Variants in ATP2A3 observed in about 807,000 individuals in gnomAD.
The protein encoded by ATP2A3 is ATPase sarcoplasmic/endoplasmic reticulum Ca2+ transporting 3, also known as sarcoplasmic/endoplasmic reticulum calcium ATPase 3.
Under a neutral mutation model 106.8 loss-of-function variants are expected in ATP2A3, and 61 were observed. The observed-to-expected ratio is 0.57, with a 90% CI of 0.46 to 0.71. The LOEUF is 0.71. Ranked by LOEUF, ATP2A3 falls within the 30% of genes least tolerant of loss-of-function variation. The probability of loss-of-function intolerance (pLI) is 0.00; values close to 1 mark genes in which losing one functional copy is unlikely to be tolerated. For synonymous variants in ATP2A3, 611 were observed against 609.3 expected, an observed-to-expected ratio of 1.00 and a Z score of -0.04; for missense variants, 1,201 against 1,423.5, an observed-to-expected ratio of 0.84 and a Z score of 2.52.
intron 1 of ATP2A3, among the ~76,000 whole-genome samples, chr17:3,962,704 T>C (rs1183102398): frequency 8.5e-6 from 1 of 117,536 alleles, no homozygotes; most frequent in African/African-American, 3.4e-5. Context: ...AATGAAGACA[T>C]GATATCAGAA....
Position 3,937,476 on chromosome 17 carries a change from T to A in ATP2A3, c.2261A>T (p.Tyr754Phe). 6.2e-7 allele frequency: 1 copy of A among 1,612,880 alleles called. No homozygotes were observed. The highest frequency in any genetic ancestry group is 8.5e-7 in the Non-Finnish European group (1 of 1,179,152). ...VAAVEEGRAI[Y>F]SNMKQFIRYL... Reference sequence around the variant, plus strand: ...GCGGATGAATTGCTTCATGTTGCTGTAGATGGCCCGGCCCTCCTCCACCGC... The same window carrying A: ...GCGGATGAATTGCTTCATGTTGCTGAAGATGGCCCGGCCCTCCTCCACCGC... The change falls in exon 15 of 21, where the codon TAC (tyrosine) becomes TTC (phenylalanine). Residue 754 changes from tyrosine (Y) to phenylalanine (F), a missense_variant. Physicochemically the swap from Tyr to Phe is conservative, Grantham distance 22. Around this residue, in one of 2 missense-constraint regions of ATP2A3, gnomAD observed 935 missense variants for 1,176.7 expected, o/e 0.79. Coordinates refer to ENST00000397041, the MANE Select transcript of ATP2A3 (RefSeq NM_005173.4).
rs562992516 is a variant in ATP2A3, at chr17:3,924,536, G to A, written c.*886C>T. On this transcript the variant is annotated 3_prime_UTR_variant, in exon 21 of 21. Coordinates refer to ENST00000397041, the MANE Select transcript of ATP2A3 (RefSeq NM_005173.4). The surrounding 1 kb of genome is among the most constrained non-coding windows in gnomAD (Gnocchi z 6.4). ...CGCACACTGGGCTGGGTAGAAGGGC[G>A]CCACGGTCAGGAACCTGAGGATGTC... The A allele has an allele frequency of 1.5e-5, 5 of 343,826 alleles. No individual in the cohort carries two copies. Among genetic ancestry groups the A allele is most frequent in the East Asian group, 8.3e-5 (1 of 12,030 alleles). The allele number at this position is 343,826 out of a possible 1,614,324, so 21.3% of individuals were successfully genotyped here.
At chr17:3,960,981 G>A (rs763712482) in intron 1 of ATP2A3, among the ~76,000 whole-genome samples, 1 of 152,208 alleles carries the variant, frequency 6.6e-6, no homozygotes, top group African/African-American at 2.4e-5. Flanking sequence ...GAGAAAAGCC[G>A]CACGCCGAAA....
Position 3,930,822 on chromosome 17 carries a change from A to T in ATP2A3, c.2611-388T>A. The T allele has an allele frequency of 2.8e-6, 1 of 356,138 alleles. No homozygotes were observed. Among genetic ancestry groups the T allele is most frequent in the Non-Finnish European group, 5.5e-6 (1 of 181,774 alleles). The allele number at this position is 356,138 out of a possible 1,614,324, so 22.1% of individuals were successfully genotyped here. On this transcript the variant is annotated intron_variant, in intron 17 of 20. Transcript: ENST00000397041. This position sits in a 1 kb window ranked among gnomAD's most constrained non-coding sequence, Gnocchi z 5.4. The stretch of plus-strand genomic sequence containing the variant: ...ATTCACCTTTGCGGTATAGAAGATG[A>T]AGGCTACGCAGGCCCTGTTCACTGT...
chr17:3,943,034 T>A (rs895236865), intron 11 of ATP2A3, among the ~76,000 whole-genome samples: 30 of 152,140 alleles, frequency 2.0e-4, no homozygotes, highest in Non-Finnish European at 4.1e-4. Flanking sequence ...ACGCCTGTAA[T>A]CCCAGCACTC....
chr17:3,928,620 G>A lies in ATP2A3; in HGVS notation c.2980+43C>T. 1 of 1,493,200 alleles carries A rather than the reference G, an allele frequency of 6.7e-7. No homozygotes were observed. The highest frequency in any genetic ancestry group is 9.1e-7 in the Non-Finnish European group (1 of 1,095,380). 92.5% of individuals were successfully genotyped at this position (1,493,200 alleles called of 1,614,324 possible). A position where few individuals can be genotyped will look rare whatever the true frequency, so the allele number is the denominator to read the frequency against. On this transcript the variant is annotated intron_variant, in intron 20 of 20. Coordinates refer to ENST00000397041, the MANE Select transcript of ATP2A3 (RefSeq NM_005173.4). This position sits in a 1 kb window ranked among gnomAD's most constrained non-coding sequence, Gnocchi z 6.1. ...CCACTGCAGCCCAGGAGCAGAGGCG[G>A]GCGGGGAGGCAGGCTGGAGGCGGGA...
rs1209709252 is a variant in ATP2A3 at position 3,929,576 on chromosome 17, T to C, written c.2745-131A>G. 2.6e-6 allele frequency: 2 copies of C among 760,192 alleles called. No homozygotes were observed. Among genetic ancestry groups the C allele is most frequent in the African/African-American group, 1.7e-5 (1 of 57,388 alleles). 47.1% of individuals were successfully genotyped at this position (760,192 alleles called of 1,614,324 possible). ...GTTGCCCGCTCGGCCTGCCAGGGCC[T>C]GTCCCGGGCTGGGACCCCTTTCTCT... On this transcript the variant is annotated intron_variant, in intron 18 of 20. Transcript: ENST00000397041. The surrounding 1 kb of genome is among the most constrained non-coding windows in gnomAD (Gnocchi z 4.3).
Position 3,947,817 on chromosome 17 carries a change from G to A in ATP2A3, c.669C>T (p.Ala223=), listed in dbSNP as rs149762992. Residue 223 remains alanine, a synonymous_variant, in exon 8 of 21, where the codon GCC becomes GCT. Coordinates refer to ENST00000397041, the MANE Select transcript of ATP2A3 (RefSeq NM_005173.4). The surrounding 1 kb of genome is among the most constrained non-coding windows in gnomAD (Gnocchi z 7.7). ...NITSGKAVGV[A]VATGLHTELG... ...GCTCCGTGTGCAGGCCGGTGGCCAC[G>A]GCCACACCCACCGCTTTGCCCGATG... The A allele has an allele frequency of 2.6e-4, 413 of 1,599,474 alleles. 5 individuals are homozygous for A. The highest frequency in any genetic ancestry group is 2.3e-3 in the East Asian group (102 of 44,884).
intron 1 of ATP2A3, among the ~76,000 whole-genome samples, chr17:3,954,284 A>G (rs1432987578): frequency 6.6e-6 from 1 of 151,728 alleles, no homozygotes; most frequent in Non-Finnish European, 1.5e-5. Flanking sequence ...GCTGGGCCCC[A>G]CCGCACAGCA....
In ATP2A3 at chr17:3,924,446, G is replaced by A. The variant is rs2052600952; in HGVS notation, c.*976C>T. ...GTGTCGTGGGGAGGGGGCAAGGAGT[G>A]AGGCCAAGAGTCCAGGAAGCCCACC... On this transcript the variant is annotated 3_prime_UTR_variant, in exon 21 of 21. Coordinates refer to ENST00000397041, the MANE Select transcript of ATP2A3 (RefSeq NM_005173.4). This position sits in a 1 kb window ranked among gnomAD's most constrained non-coding sequence, Gnocchi z 6.4. The A allele has an allele frequency of 1.7e-5, 4 of 241,072 alleles. No homozygotes were observed. The highest frequency in any genetic ancestry group is 2.5e-5 in the Non-Finnish European group (3 of 118,388). The allele number at this position is 241,072 out of a possible 1,614,324, so 14.9% of individuals were successfully genotyped here.
Position 3,924,757 on chromosome 17 carries a change from C to G in ATP2A3, c.*665G>C, listed in dbSNP as rs1475413592. On this transcript the variant is annotated 3_prime_UTR_variant, in exon 21 of 21. Coordinates refer to ENST00000397041, the MANE Select transcript of ATP2A3 (RefSeq NM_005173.4). The surrounding 1 kb of genome is among the most constrained non-coding windows in gnomAD (Gnocchi z 6.4). ...AGGACATCCTCGCTCCGCCCTCCTG[C>G]CGGCTCCTTGTGTCCGTCTCTCTGA... is the stretch of plus-strand genomic sequence containing the variant. 1 of 456,542 alleles carries G rather than the reference C, an allele frequency of 2.2e-6. No individual in the cohort carries two copies. Among genetic ancestry groups the G allele is most frequent in the African/African-American group, 2.0e-5 (1 of 50,072 alleles). 28.3% of individuals were successfully genotyped at this position (456,542 alleles called of 1,614,324 possible).
rs1172679666 is a variant in ATP2A3, at chr17:3,947,904, G to A, written c.631-49C>T. 2 of 1,575,550 alleles carry A rather than the reference G, an allele frequency of 1.3e-6. No homozygotes were observed. The highest frequency in any genetic ancestry group is 1.7e-5 in the Admixed American group (1 of 59,348). On this transcript the variant is annotated intron_variant, in intron 7 of 20. Coordinates refer to ENST00000397041, the MANE Select transcript of ATP2A3 (RefSeq NM_005173.4). This position sits in a 1 kb window ranked among gnomAD's most constrained non-coding sequence, Gnocchi z 7.7. Reference sequence around the variant, plus strand: ...AAAGCTGCTCAGCAGCCAACCAGGGGCCCAGGACCCCTGACTCCTTCAGGC... The same window carrying A: ...AAAGCTGCTCAGCAGCCAACCAGGGACCCAGGACCCCTGACTCCTTCAGGC...
intron 7 of ATP2A3, among the ~76,000 whole-genome samples, chr17:3,949,776 C>T (rs533915303): frequency 1.2e-4 from 19 of 152,284 alleles, no homozygotes; most frequent in African/African-American, 4.6e-4. Context: ...GGCACACAGT[C>T]CCCAGTAAAC....
rs552276386 is a variant in ATP2A3 at position 3,947,766 on chromosome 17, C to G, written c.720G>C (p.Ala240=). 6 of 1,604,380 alleles carry G rather than the reference C, an allele frequency of 3.7e-6. No individual in the cohort carries two copies. In the Admixed American group the frequency reaches 1.0e-4, roughly 27 times the overall value. The change falls in exon 8 of 21, where the codon GCG becomes GCC. Residue 240 remains alanine, a synonymous_variant. Coordinates refer to ENST00000397041, the MANE Select transcript of ATP2A3 (RefSeq NM_005173.4). The surrounding 1 kb of genome is among the most constrained non-coding windows in gnomAD (Gnocchi z 7.7). ...GCGGCGTCCGCTCGGGCTCGACTGC[C>G]GCCATCTGGCTCCGGATCTTGCCCA... ...TELGKIRSQM[A]AVEPERTPLQ...
intron 3 of ATP2A3, among the ~76,000 whole-genome samples, chr17:3,952,986 G>GCCCCCA (rs1398064149): frequency 1.3e-5 from 2 of 152,270 alleles, no homozygotes; most frequent in Non-Finnish European, 2.9e-5. Context: ...ACAGTGGAAA[G>GCCCCCA]CCCCCACCCC....
rs1441429204 is a variant in ATP2A3, at chr17:3,928,696, C to T, written c.2947G>A (p.Ala983Thr). The T allele has an allele frequency of 7.1e-6, 11 of 1,551,156 alleles. No individual in the cohort carries two copies. The highest frequency in any genetic ancestry group is 5.2e-6 in the Non-Finnish European group (6 of 1,147,104). The stretch of plus-strand genomic sequence containing the variant: ...TGGTTCCGGGACAGGTACTTGAGGG[C>T]CTCATCCAGCAGGATGACAGGCAGA... ...ISLPVILLDE[A>T]LKYLSRNHMH... The change falls in exon 20 of 21, where the codon GCC (alanine) becomes ACC (threonine). Residue 983 changes from alanine (A) to threonine (T), a missense_variant. Ala to Thr is a moderately conservative substitution (Grantham distance 58). Coordinates refer to ENST00000397041, the MANE Select transcript of ATP2A3 (RefSeq NM_005173.4). The surrounding 1 kb of genome is among the most constrained non-coding windows in gnomAD (Gnocchi z 6.1).
chr17:3,960,874 T>A (rs1207703093), intron 1 of ATP2A3, among the ~76,000 whole-genome samples: 4 of 152,188 alleles, frequency 2.6e-5, no homozygotes, highest in African/African-American at 7.2e-5. Context: ...TTCAGTGATA[T>A]TCACAAGCGC....
chr17:3,926,819 T>C lies in ATP2A3; in HGVS notation c.2981-1378A>G. 2 of 979,974 alleles carry C rather than the reference T, an allele frequency of 2.0e-6. No homozygotes were observed. The highest frequency in any genetic ancestry group is 9.4e-5 in the South Asian group (2 of 21,180). 60.7% of individuals were successfully genotyped at this position (979,974 alleles called of 1,614,324 possible). ...TCCTGACTCAGGTGATCTGCCCACC[T>C]CGGCCTCCCAAAGTGCTGGGATGAC... On this transcript the variant is annotated intron_variant, in intron 20 of 20. Coordinates refer to ENST00000397041, the MANE Select transcript of ATP2A3 (RefSeq NM_005173.4). This position sits in a 1 kb window ranked among gnomAD's most constrained non-coding sequence, Gnocchi z 4.6.
rs143224362 is a variant in ATP2A3 at position 3,928,241 on chromosome 17, C to G, written c.2980+422G>C. 1.2e-6 allele frequency: 2 copies of G among 1,613,630 alleles called. No homozygotes were observed. Among genetic ancestry groups the G allele is most frequent in the Non-Finnish European group, 1.7e-6 (2 of 1,180,014 alleles). On this transcript the variant is annotated intron_variant, in intron 20 of 20. Coordinates refer to ENST00000397041, the MANE Select transcript of ATP2A3 (RefSeq NM_005173.4). This position sits in a 1 kb window ranked among gnomAD's most constrained non-coding sequence, Gnocchi z 6.1. ...CAAGGTGATACCAAAGAGGCCAACCCGGTGTGGTCTGGGGTCCAAGAGGTG... is the reference window on the plus strand; with the variant it reads ...CAAGGTGATACCAAAGAGGCCAACCGGGTGTGGTCTGGGGTCCAAGAGGTG...
Sources: gnomAD v4.1 joint callset for allele counts (sites outside exome capture counted in the v4.1 genomes callset) on GRCh38, gnomAD v4.1.1 for gene constraint, gnomAD v4.1.1 regional missense constraint, Gnocchi (gnomAD v3.1) non-coding constraint, MANE v1.5 for transcripts, NCBI Gene and HGNC (gene_info 2026-07-23, HGNC 2026-07-21) for gene names.